Variants in EPHA6 observed in about 807,000 individuals in gnomAD.
EPHA6 encodes the protein EPH receptor A6, also known as ephrin type-A receptor 6.
In EPHA6, 50 loss-of-function variants were observed where a neutral mutation model predicts 112.0. That is an observed-to-expected ratio of 0.45 (90% confidence interval 0.36 to 0.56). EPHA6 has a LOEUF of 0.56. EPHA6 is among the 20% of genes least tolerant of loss of function. The probability of loss-of-function intolerance (pLI) is 0.00; values close to 1 mark genes in which losing one functional copy is unlikely to be tolerated. For synonymous variants in EPHA6, 529 were observed against 490.7 expected (o/e 1.08, Z -1.03); for missense variants, 1,280 against 1,417.4 (o/e 0.90, Z 1.56).
At chr3:97,230,278 G>C (rs752990239) in intron 4 of EPHA6, among the ~76,000 whole-genome samples, 1 of 152,126 alleles carries the variant, frequency 6.6e-6, no homozygotes, top group African/African-American at 2.4e-5. Context: ...AGAAGGCTTA[G>C]AGTTATTCAG....
chr3:97,485,087 A>G (rs918057646), intron 10 of EPHA6, among the ~76,000 whole-genome samples: 2 of 152,236 alleles, frequency 1.3e-5, no homozygotes, highest in Non-Finnish European at 2.9e-5. Context: ...TTGATGGGGA[A>G]CATAGGTCTC....
At chr3:97,274,220 G>A (rs1261301986) in intron 5 of EPHA6, among the ~76,000 whole-genome samples, 2 of 152,182 alleles carry the variant, frequency 1.3e-5, no homozygotes, top group African/African-American at 4.8e-5. Flanking sequence ...TGTGGGAAGA[G>A]ATTGATAGGT....
At chr3:97,275,009 G>A (rs1041001576) in intron 5 of EPHA6, among the ~76,000 whole-genome samples, 1 of 152,174 alleles carries the variant, frequency 6.6e-6, no homozygotes, top group Non-Finnish European at 1.5e-5. Flanking sequence ...AGTGAGTTGA[G>A]CATAGTTTGT....
At chr3:97,607,866 C>T (rs576441709) in intron 12 of EPHA6, among the ~76,000 whole-genome samples, 2 of 151,216 alleles carry the variant, frequency 1.3e-5, no homozygotes, top group South Asian at 2.1e-4. Flanking sequence ...GTAATTTTTA[C>T]GTACTGGAAA....
chr3:97,125,470 A>C (rs1020345123), intron 3 of EPHA6, among the ~76,000 whole-genome samples: 1 of 152,166 alleles, frequency 6.6e-6, no homozygotes, highest in African/African-American at 2.4e-5. Flanking sequence ...TTATCACTAT[A>C]CATATTTTGG....
chr3:97,328,079 A>ATATATATATATATAT (rs398038939), intron 5 of EPHA6, among the ~76,000 whole-genome samples: 31 of 138,594 alleles, frequency 2.2e-4, no homozygotes, highest in Admixed American at 5.9e-4. Context: ...ATATATATAT[A>ATATATATATATATAT]ACCTGTTTTG....
chr3:97,000,299 A>G (rs2043603404), intron 3 of EPHA6, among the ~76,000 whole-genome samples: 1 of 150,886 alleles, frequency 6.6e-6, no homozygotes, highest in East Asian at 1.9e-4. Context: ...ACACATATAT[A>G]TAGCCATATA....
intron 2 of EPHA6, among the ~76,000 whole-genome samples, chr3:96,873,644 A>G (rs2036771117): frequency 6.6e-6 from 1 of 152,182 alleles, no homozygotes; most frequent in Non-Finnish European, 1.5e-5. Flanking sequence ...CAATAAATCA[A>G]GCTTTTATCC....
At chr3:97,183,841 A>C (rs2077053591) in intron 3 of EPHA6, among the ~76,000 whole-genome samples, 1 of 152,130 alleles carries the variant, frequency 6.6e-6, no homozygotes, top group Non-Finnish European at 1.5e-5. Context: ...TGTCTAAGGC[A>C]ATCAGTGGAT....
chr3:97,391,183 G>A (rs59797581), intron 5 of EPHA6, among the ~76,000 whole-genome samples: 2 of 151,658 alleles, frequency 1.3e-5, no homozygotes, highest in African/African-American at 4.8e-5. Context: ...TATGCATGGA[G>A]TACATAAATC....
chr3:97,246,240 TACA>T lies in EPHA6; in HGVS notation c.1606+1956_1606+1958del, dbSNP rs544687306. Among the ~76,000 whole-genome samples the T allele has an allele frequency of 3.2e-3, 494 of 152,086 alleles. 4 individuals carry two copies. Among genetic ancestry groups the T allele is most frequent in the African/African-American group, 0.012 (479 of 41,542 alleles). Reference sequence around the variant, plus strand: ...AACCTTATCAAAAAATACAATCTAGTACAACGATTTTTAGCTACAGGGAAAAAA... The same window carrying T: ...AACCTTATCAAAAAATACAATCTAGTACGATTTTTAGCTACAGGGAAAAAA... On this transcript the variant is annotated intron_variant, in intron 5 of 17. Coordinates refer to ENST00000389672, the MANE Select transcript of EPHA6 (RefSeq NM_001080448.3).
At chr3:96,994,284 A>T (rs556657440) in intron 3 of EPHA6, 1 of 334,726 alleles carries the variant, frequency 3.0e-6, no homozygotes, top group African/African-American at 2.1e-5. Flanking sequence ...CTGATATTTC[A>T]TAACTTTTAA....
At chr3:96,967,768 C>G (rs964193676) in intron 2 of EPHA6, among the ~76,000 whole-genome samples, 1 of 151,794 alleles carries the variant, frequency 6.6e-6, no homozygotes, top group Non-Finnish European at 1.5e-5. Flanking sequence ...AGTTTGGACA[C>G]AGGAGACTGA....
chr3:97,387,988 C>A (rs2086168934), intron 5 of EPHA6, among the ~76,000 whole-genome samples: 1 of 152,140 alleles, frequency 6.6e-6, no homozygotes, highest in Admixed American at 6.6e-5. Context: ...GTGCTATACA[C>A]TGTTAAACAA....
At chr3:96,847,124 A>G (rs1228793110) in intron 1 of EPHA6, among the ~76,000 whole-genome samples, 1 of 152,072 alleles carries the variant, frequency 6.6e-6, no homozygotes, top group African/African-American at 2.4e-5. Context: ...TTCTAAATCC[A>G]GTAGAGTGAA....
chr3:97,751,405 A>T lies in EPHA6; in HGVS notation c.*2704A>T, dbSNP rs2035897813. Among the ~76,000 whole-genome samples the T allele has an allele frequency of 6.6e-6, 1 of 152,090 alleles. No homozygotes were observed. The highest frequency in any genetic ancestry group is 1.5e-5 in the Non-Finnish European group (1 of 67,974). ...TCTCCTTCAAAATTCCTTTTAAATT[A>T]TAATTTTATTTTTCAGAATGGTAAG... On this transcript the variant is annotated 3_prime_UTR_variant, in exon 18 of 18. Coordinates refer to ENST00000389672, the MANE Select transcript of EPHA6 (RefSeq NM_001080448.3).
At chr3:97,746,617 T>C (rs192891059) in intron 16 of EPHA6, among the ~76,000 whole-genome samples, 32 of 151,964 alleles carry the variant, frequency 2.1e-4, no homozygotes, top group Admixed American at 6.6e-5. Context: ...AATGTATATA[T>C]AAGCACATGT....
chr3:97,027,593 G>A (rs1404938917), intron 3 of EPHA6, among the ~76,000 whole-genome samples: 1 of 152,118 alleles, frequency 6.6e-6, no homozygotes, highest in Non-Finnish European at 1.5e-5. Flanking sequence ...GCTATTTTTA[G>A]TCTGCTAAGA....
At chr3:97,611,373 A>G (rs2093719047) in intron 13 of EPHA6, among the ~76,000 whole-genome samples, 1 of 151,884 alleles carries the variant, frequency 6.6e-6, no homozygotes, top group African/African-American at 2.4e-5. Flanking sequence ...CTCCTTTAGC[A>G]GAGATTTCTT....
Sources: gnomAD v4.1 joint callset for allele counts (sites outside exome capture counted in the v4.1 genomes callset) on GRCh38, gnomAD v4.1.1 for gene constraint, MANE v1.5 for transcripts, NCBI Gene and HGNC (gene_info 2026-07-23, HGNC 2026-07-21) for gene names.